The following DTD1 variants were observed in gnomAD, a reference collection of about 807,000 sequenced individuals.
The protein encoded by DTD1 is D-tyrosyl-tRNA deacylase 1 homolog.
In DTD1, 13 loss-of-function variants were observed where a neutral mutation model predicts 25.6. The observed-to-expected ratio is 0.51, with a 90% CI of 0.33 to 0.81. The LOEUF is 0.81. Among genes scored for constraint, DTD1 ranks in the 30% least tolerant of loss-of-function variants. The probability of loss-of-function intolerance (pLI) is 0.02; values close to 1 mark genes in which losing one functional copy is unlikely to be tolerated. For missense variants in DTD1, 193 were observed against 266.4 expected, an observed-to-expected ratio of 0.72 and a Z score of 1.92; for synonymous variants, 110 against 103.6, an observed-to-expected ratio of 1.06 and a Z score of -0.37.
Position 18,747,007 on chromosome 20 carries a change from A to C in DTD1, c.*19+2736A>C, listed in dbSNP as rs543334659. Among the ~76,000 whole-genome samples, 505 of 152,140 alleles carry C rather than the reference A, an allele frequency of 3.3e-3. 1 individual carries two copies. Among genetic ancestry groups the C allele is most frequent in the Middle Eastern group, 6.8e-3 (2 of 294 alleles). Reference sequence around the variant, plus strand: ...TCGAAGGGAAGGGACGTCACATAAAACTTCCACTCCCACCCCTCCAAAACT... The same window carrying C: ...TCGAAGGGAAGGGACGTCACATAAACCTTCCACTCCCACCCCTCCAAAACT... On this transcript the variant is annotated intron_variant, in intron 5 of 5. Transcript: ENST00000377452.
At chr20:18,601,498 CAAAAAAAA>C (rs1175102426) in intron 3 of DTD1, among the ~76,000 whole-genome samples, 8 of 110,582 alleles carry the variant, frequency 7.2e-5, no homozygotes, top group Admixed American at 9.4e-5. Context: ...GACTCTGTCT[CAAAAAAAA>C]AAAAAAAAAA....
intron 4 of DTD1, among the ~76,000 whole-genome samples, chr20:18,640,486 G>T (rs1469997026): frequency 6.6e-6 from 1 of 151,826 alleles, no homozygotes; most frequent in East Asian, 1.9e-4. Flanking sequence ...TTTACACATG[G>T]TATCTCTGGG....
intron 4 of DTD1, among the ~76,000 whole-genome samples, chr20:18,635,364 C>A (rs941746156): frequency 6.6e-6 from 1 of 152,228 alleles, no homozygotes; most frequent in African/African-American, 2.4e-5. Context: ...ACTTCTGGGA[C>A]GTAGGCTGCC....
intron 4 of DTD1, among the ~76,000 whole-genome samples, chr20:18,716,324 C>G (rs1204534316): frequency 4.6e-5 from 7 of 152,212 alleles, no homozygotes; most frequent in Non-Finnish European, 2.9e-5. Flanking sequence ...AACTCAAGCT[C>G]CACAGTGTGT....
intron 4 of DTD1, among the ~76,000 whole-genome samples, chr20:18,649,256 A>G (rs2060863434): frequency 6.8e-6 from 1 of 146,630 alleles, no homozygotes; most frequent in Admixed American, 6.9e-5. Context: ...GTCCAGGGGA[A>G]GTGGTGGCTA....
rs113632385 is a variant in DTD1 at position 18,593,803 on chromosome 20, A to G, written c.116A>G (p.Gln39Arg). The change falls in exon 2 of 6, where the codon CAG becomes CGG. Residue 39 changes from glutamine to arginine, a missense_variant. Gln to Arg is a conservative substitution (Grantham distance 43, BLOSUM62 1). Transcript: ENST00000377452. ...VLLGISLEDT[Q>R]KELEHMVRKI... ...CTGGGTATTTCCCTGGAGGATACGC[A>G]GAAGGAACTGGAACACATGTAAGAT... The G allele has an allele frequency of 6.2e-7, 1 of 1,613,914 alleles. No homozygotes were observed. The highest frequency in any genetic ancestry group is 1.7e-5 in the Admixed American group (1 of 60,006).
rs201452682 is a variant in DTD1 at position 18,704,001 on chromosome 20, C to CTT, written c.478-40083_478-40082dup. Among the ~76,000 whole-genome samples the CTT allele has an allele frequency of 1.3e-3, 170 of 135,180 alleles. 1 individual carries two copies. Among genetic ancestry groups the CTT allele is most frequent in the African/African-American group, 4.0e-3 (145 of 36,304 alleles). 88.7% of individuals were successfully genotyped at this position (135,180 alleles called of 152,430 possible). ...ATAAGTAATCATAAGTAGTTGGTAG[C>CTT]TTTTTTTTTTTTTTTTTGAGACGGA... On this transcript the variant is annotated intron_variant, in intron 4 of 5. Transcript: ENST00000377452.
At chr20:18,675,691 T>C (rs1321759929) in intron 4 of DTD1, 1 of 152,038 alleles carries the variant, frequency 6.6e-6, no homozygotes, top group Non-Finnish European at 1.5e-5. Context: ...TAGTCTTTTT[T>C]CTATGTAGTC....
At chr20:18,744,611 C>G (rs562101397) in intron 5 of DTD1, among the ~76,000 whole-genome samples, 1 of 129,640 alleles carries the variant, frequency 7.7e-6, no homozygotes, top group African/African-American at 2.9e-5. Flanking sequence ...GCACTCCAGC[C>G]TGGTGACAGA....
At chr20:18,721,112 G>A (rs1447358553) in intron 4 of DTD1, among the ~76,000 whole-genome samples, 1 of 152,148 alleles carries the variant, frequency 6.6e-6, no homozygotes, top group Admixed American at 6.5e-5. Context: ...GAGTACTTTA[G>A]TATAATGCCA....
chr20:18,737,146 C>G (rs76073352), intron 4 of DTD1, among the ~76,000 whole-genome samples: 1,900 of 152,350 alleles, frequency 0.012, 40 homozygotes, highest in African/African-American at 0.042. Flanking sequence ...CTACTCTCAT[C>G]TGGGCCTCTG....
intron 4 of DTD1, among the ~76,000 whole-genome samples, chr20:18,646,858 G>C (rs538719075): frequency 1.0e-3 from 154 of 152,302 alleles, no homozygotes; most frequent in African/African-American, 3.4e-3. Context: ...ATCAGTCTTT[G>C]TATGCTGATG....
chr20:18,739,161 A>G (rs943428617), intron 4 of DTD1, among the ~76,000 whole-genome samples: 2 of 152,032 alleles, frequency 1.3e-5, no homozygotes, highest in Non-Finnish European at 2.9e-5. Context: ...CACTTAACTC[A>G]TTTTGCTTCC....
chr20:18,670,733 A>G (rs1458815399), intron 4 of DTD1, among the ~76,000 whole-genome samples: 4 of 152,222 alleles, frequency 2.6e-5, no homozygotes, highest in Non-Finnish European at 4.4e-5. Flanking sequence ...GTCGTTCTTC[A>G]TTGGTTCATG....
intron 4 of DTD1, among the ~76,000 whole-genome samples, chr20:18,684,745 TC>T (rs1030180934): frequency 6.6e-6 from 1 of 152,136 alleles, no homozygotes; most frequent in African/African-American, 2.4e-5. Flanking sequence ...TCAAGAAAAG[TC>T]TTTAATTTTC....
At chr20:18,592,505 C>T (rs953067911) in intron 1 of DTD1, 7 of 152,034 alleles carry the variant, frequency 4.6e-5, no homozygotes. Context: ...GAGGGATGGA[C>T]CAACCTAGGT....
chr20:18,699,475 G>A (rs1568673549), intron 4 of DTD1, among the ~76,000 whole-genome samples: 1 of 152,198 alleles, frequency 6.6e-6, no homozygotes, highest in Non-Finnish European at 1.5e-5. Flanking sequence ...TTCGCGTGAT[G>A]CCAGCAGGAC....
In DTD1 at chr20:18,669,463, G is replaced by C. The variant is rs893019520; in HGVS notation, c.477+41230G>C. On this transcript the variant is annotated intron_variant, in intron 4 of 5. Transcript: ENST00000377452. ...CCTCGGCTGAGCTCCTCTTTCTCCTGTCATGTGCAGGATTCTGTCATCGGA... is the reference window on the plus strand; with the variant it reads ...CCTCGGCTGAGCTCCTCTTTCTCCTCTCATGTGCAGGATTCTGTCATCGGA... Among the ~76,000 whole-genome samples, 10 of 152,176 alleles carry C rather than the reference G, an allele frequency of 6.6e-5. 1 individual carries two copies. The highest frequency in any genetic ancestry group is 2.6e-4 in the Admixed American group (4 of 15,278).
At chr20:18,750,705 C>G (rs779268095) in intron 5 of DTD1, among the ~76,000 whole-genome samples, 4 of 152,214 alleles carry the variant, frequency 2.6e-5, no homozygotes, top group Non-Finnish European at 5.9e-5. Flanking sequence ...TTCGGGCTCT[C>G]TCACCTTGCT....
Sources: gnomAD v4.1 joint callset for allele counts (sites outside exome capture counted in the v4.1 genomes callset) on GRCh38, gnomAD v4.1.1 for gene constraint, MANE v1.5 for transcripts, NCBI Gene and HGNC (gene_info 2026-07-23, HGNC 2026-07-21) for gene names.